Variants in FMN2 observed in about 807,000 individuals in gnomAD.
FMN2 encodes formin 2, also known as formin-2.
A neutral mutation model predicts 142.3 loss-of-function variants in FMN2; 51 were observed. The ratio of observed to expected loss-of-function variants is 0.36; its 90% CI spans 0.29 to 0.45. The LOEUF (loss-of-function observed/expected upper bound fraction) is 0.45. Ranked by LOEUF, FMN2 falls within the 20% of genes least tolerant of loss-of-function variation. The pLI is 1.00. For missense variants in FMN2, 1,936 were observed against 2,122.8 expected (o/e 0.91, Z 1.73); for synonymous variants, 882 against 869.8 (o/e 1.01, Z -0.25).
intron 15 of FMN2, among the ~76,000 whole-genome samples, chr1:240,437,121 A>G (rs1572311160): frequency 6.6e-6 from 1 of 152,040 alleles, no homozygotes; most frequent in South Asian, 2.1e-4. Context: ...TCAAATAACC[A>G]CTTTGAAACT....
rs973142541 is a variant in FMN2, at chr1:240,093,458, C to T, written c.1349C>T (p.Ser450Phe). The change falls in exon 1 of 18, where the codon TCC becomes TTC. Residue 450 changes from serine to phenylalanine, a missense_variant. By Grantham distance (155) the Ser-to-Phe change is radical. This residue lies in a region of FMN2 where 751 missense variants were observed against 791.8 expected (regional missense o/e 0.95). Transcript: ENST00000319653. ...SPRIKRRPEP[S>F]LSRGSRTALA... The stretch of plus-strand genomic sequence containing the variant: ...AGGATCAAGAGGCGGCCGGAACCCT[C>T]CCTGAGCCGAGGGTCCAGAACTGCC... 6.2e-7 allele frequency: 1 copy of T among 1,613,518 alleles called. No homozygotes were observed. Among genetic ancestry groups the T allele is most frequent in the Non-Finnish European group, 8.5e-7 (1 of 1,179,746 alleles).
intron 8 of FMN2, among the ~76,000 whole-genome samples, chr1:240,315,784 A>T (rs774823843): frequency 3.9e-5 from 6 of 152,188 alleles, no homozygotes; most frequent in Non-Finnish European, 7.4e-5. Context: ...TAAAATGTAG[A>T]TCTCTTGAAA....
intron 6 of FMN2, among the ~76,000 whole-genome samples, chr1:240,228,572 T>C (rs1667426933): frequency 6.6e-6 from 1 of 151,998 alleles, no homozygotes; most frequent in African/African-American, 2.4e-5. Flanking sequence ...GGAACCCTCA[T>C]ACACCGCTGG....
At chr1:240,209,287 G>A (rs1009998441) in intron 5 of FMN2, among the ~76,000 whole-genome samples, 16 of 147,350 alleles carry the variant, frequency 1.1e-4, no homozygotes, top group Non-Finnish European at 2.2e-4. Context: ...GTCTCGCTCT[G>A]TCACCCAGGC....
intron 16 of FMN2, among the ~76,000 whole-genome samples, chr1:240,442,334 C>G (rs1225376709): frequency 6.6e-6 from 1 of 152,162 alleles, no homozygotes; most frequent in Non-Finnish European, 1.5e-5. Flanking sequence ...TGAATTGTGT[C>G]CATCTCTGGA....
chr1:240,343,587 A>G (rs1671810863), intron 13 of FMN2, among the ~76,000 whole-genome samples: 1 of 150,616 alleles, frequency 6.6e-6, no homozygotes, highest in African/African-American at 2.5e-5. Flanking sequence ...GCCTGATTCT[A>G]TCTAATTGGT....
At chr1:240,284,688 C>G (rs1669527361) in intron 7 of FMN2, among the ~76,000 whole-genome samples, 1 of 152,116 alleles carries the variant, frequency 6.6e-6, no homozygotes, top group African/African-American at 2.4e-5. Context: ...GAGAAACTTT[C>G]TAAGTTGTAA....
intron 8 of FMN2, among the ~76,000 whole-genome samples, chr1:240,317,428 TTAA>T (rs1452624426): frequency 6.6e-6 from 1 of 152,182 alleles, no homozygotes; most frequent in Non-Finnish European, 1.5e-5. Flanking sequence ...CCCCTGGTAG[TTAA>T]TAATCTGTTT....
chr1:240,436,447 ATGTT>A (rs1185508578), intron 15 of FMN2, among the ~76,000 whole-genome samples: 2 of 152,168 alleles, frequency 1.3e-5, no homozygotes, highest in Non-Finnish European at 2.9e-5. Flanking sequence ...GTAGCTGTGA[ATGTT>A]TGTTTTTACG....
intron 15 of FMN2, among the ~76,000 whole-genome samples, chr1:240,406,674 T>A (rs1048838493): frequency 3.3e-5 from 5 of 152,188 alleles, no homozygotes; most frequent in African/African-American, 1.2e-4. Context: ...CTCATGGCTC[T>A]AGTTTGAATT....
intron 4 of FMN2, among the ~76,000 whole-genome samples, chr1:240,192,195 A>G (rs974656263): frequency 1.3e-5 from 2 of 152,200 alleles, no homozygotes; most frequent in African/African-American, 2.4e-5. Context: ...TGCAGTGGCC[A>G]CTCAGTTCCA....
At chr1:240,185,142 T>C (rs1383573282) in intron 3 of FMN2, among the ~76,000 whole-genome samples, 12 of 124,034 alleles carry the variant, frequency 9.7e-5, no homozygotes, top group African/African-American at 3.7e-4. Context: ...CTCCCTCCTA[T>C]ACCTTCCCCT....
intron 8 of FMN2, among the ~76,000 whole-genome samples, chr1:240,322,089 G>C (rs1670991641): frequency 6.6e-6 from 1 of 152,006 alleles, no homozygotes. Flanking sequence ...ACAAAATCAT[G>C]TCACAAAAAG....
chr1:240,319,242 A>T (rs1670888785), intron 8 of FMN2, among the ~76,000 whole-genome samples: 1 of 152,212 alleles, frequency 6.6e-6, no homozygotes, highest in African/African-American at 2.4e-5. Flanking sequence ...TAGTCAACAT[A>T]AAAGTATCAG....
intron 6 of FMN2, chr1:240,235,621 A>G (rs770958881): frequency 2.6e-5 from 4 of 151,944 alleles, no homozygotes; most frequent in African/African-American, 7.3e-5. Context: ...GGTTCTCACT[A>G]TGTTGCCCAG....
chr1:240,236,016 G>A (rs1173074927), intron 6 of FMN2: 1 of 152,144 alleles, frequency 6.6e-6, no homozygotes, highest in Non-Finnish European at 1.5e-5. Flanking sequence ...TCTTCCCCAG[G>A]AGAGTGTTTT....
chr1:240,148,392 AGAAAGAC>A lies in FMN2; in HGVS notation c.1782+25048_1782+25054del, dbSNP rs1663602114. On this transcript the variant is annotated intron_variant, in intron 2 of 17. Transcript: ENST00000319653. ...CAGAGAGAGAGAGAGAAAGACAGAG[AGAAAGAC>A]AGAGAGACAGAGACAGACAGGAAAG... Among the ~76,000 whole-genome samples the A allele has an allele frequency of 1.7e-4, 24 of 140,956 alleles. 1 individual carries two copies. The highest frequency in any genetic ancestry group is 8.1e-4 in the Admixed American group (12 of 14,730). The allele number at this position is 140,956 out of a possible 152,430, so 92.5% of individuals were successfully genotyped here.
intron 6 of FMN2, among the ~76,000 whole-genome samples, chr1:240,247,755 C>T (rs1213147319): frequency 2.0e-5 from 3 of 152,118 alleles, no homozygotes; most frequent in African/African-American, 7.2e-5. Context: ...TTCCTACTCT[C>T]ATGTTCTGAT....
chr1:240,343,985 TG>T (rs1671823969), intron 13 of FMN2, among the ~76,000 whole-genome samples: 2 of 152,102 alleles, frequency 1.3e-5, no homozygotes, highest in East Asian at 3.9e-4. Context: ...ACAGTGACCA[TG>T]AGATGATAGA....
Sources: gnomAD v4.1 joint callset for allele counts (sites outside exome capture counted in the v4.1 genomes callset) on GRCh38, gnomAD v4.1.1 for gene constraint, gnomAD v4.1.1 regional missense constraint, MANE v1.5 for transcripts, NCBI Gene and HGNC (gene_info 2026-07-23, HGNC 2026-07-21) for gene names.